MMRN1: variants seen among roughly 807,000 people sequenced by gnomAD.
MMRN1 encodes the protein multimerin-1.
A neutral mutation model predicts 100.7 loss-of-function variants in MMRN1; 94 were observed. That is an observed-to-expected ratio of 0.93 (90% confidence interval 0.79 to 1.11). The LOEUF (loss-of-function observed/expected upper bound fraction) is 1.11, where lower values mean the gene tolerates loss of function less well. Ranked by LOEUF, MMRN1 falls within the 50% of genes least tolerant of loss-of-function variation. The pLI is 0.00. For synonymous variants in MMRN1, 575 were observed against 505.0 expected (o/e 1.14, Z -1.86); for missense variants, 1,606 against 1,439.1 (o/e 1.12, Z -1.88).
chr4:89,885,125 CCCTCCCTCCCTT>C (rs1351168315), intron 1 of MMRN1, among the ~76,000 whole-genome samples: 1 of 141,520 alleles, frequency 7.1e-6, no homozygotes, highest in Non-Finnish European at 1.5e-5. Flanking sequence ...TTCCTTCCCT[CCCTCCCTCCCTT>C]CCTCCCTTCC....
At chr4:89,940,119 C>G (rs925488953) in intron 6 of MMRN1, among the ~76,000 whole-genome samples, 1 of 152,106 alleles carries the variant, frequency 6.6e-6, no homozygotes, top group Non-Finnish European at 1.5e-5. Flanking sequence ...CTAATAGACA[C>G]CAAGAGGTTT....
At chr4:89,883,231 A>G (rs1399014313) in intron 1 of MMRN1, among the ~76,000 whole-genome samples, 1 of 152,012 alleles carries the variant, frequency 6.6e-6, no homozygotes, top group East Asian at 1.9e-4. Context: ...TTGTAGACAC[A>G]TTTTTTATTT....
In MMRN1 at chr4:89,909,178, G is replaced by A. The variant is rs1156322780; in HGVS notation, c.624-98G>A. ...AATCTTACAAGGTTTCTGATCTATA[G>A]TATGGCAAAAATAAATGTTTGTCTG... On this transcript the variant is annotated intron_variant, in intron 1 of 7. Coordinates refer to ENST00000264790, the MANE Select transcript of MMRN1 (RefSeq NM_007351.3). 5 of 1,312,246 alleles carry A rather than the reference G, an allele frequency of 3.8e-6. No homozygotes were observed. In the African/African-American group the frequency reaches 5.9e-5, roughly 16 times the overall value. The allele number at this position is 1,312,246 out of a possible 1,614,324, so 81.3% of individuals were successfully genotyped here.
chr4:89,891,256 A>G (rs1197710566), upstream of MMRN1, among the ~76,000 whole-genome samples: 1 of 152,024 alleles, frequency 6.6e-6, no homozygotes, highest in Admixed American at 6.6e-5. Context: ...AGTTCATTAT[A>G]TTTATTTAGA....
At chr4:89,910,442 A>T (rs985926160) in intron 2 of MMRN1, among the ~76,000 whole-genome samples, 2 of 151,130 alleles carry the variant, frequency 1.3e-5, no homozygotes, top group Non-Finnish European at 3.0e-5. Context: ...TTATTCTCGA[A>T]TCTTATCTTT....
intron 5 of MMRN1, among the ~76,000 whole-genome samples, chr4:89,928,541 T>C (rs1722338132): frequency 6.6e-6 from 1 of 152,182 alleles, no homozygotes; most frequent in Non-Finnish European, 1.5e-5. Context: ...CAGGCTATGT[T>C]TCTTTCTGGA....
At chr4:89,939,624 G>C (rs192236291) in intron 6 of MMRN1, among the ~76,000 whole-genome samples, 1 of 152,254 alleles carries the variant, frequency 6.6e-6, no homozygotes, top group East Asian at 1.9e-4. Flanking sequence ...GTAAGTGATA[G>C]AGCTTGGCTT....
intron 5 of MMRN1, among the ~76,000 whole-genome samples, chr4:89,930,992 G>T (rs1261277804): frequency 6.6e-6 from 1 of 151,896 alleles, no homozygotes; most frequent in Non-Finnish European, 1.5e-5. Context: ...AATTCATTTA[G>T]CCTTTCCTTA....
chr4:89,894,061 A>C (rs1721115484), upstream of MMRN1, among the ~76,000 whole-genome samples: 1 of 152,060 alleles, frequency 6.6e-6, no homozygotes, highest in Non-Finnish European at 1.5e-5. Flanking sequence ...ATCCCATTTT[A>C]ATTTATTTTT....
chr4:89,949,009 G>A (rs746448962), intron 6 of MMRN1, among the ~76,000 whole-genome samples: 7 of 152,144 alleles, frequency 4.6e-5, no homozygotes, highest in Non-Finnish European at 8.8e-5. Context: ...TGGAAAATGG[G>A]GTAAAATAGC....
chr4:89,948,298 C>A (rs979679499), intron 6 of MMRN1, among the ~76,000 whole-genome samples: 1 of 151,850 alleles, frequency 6.6e-6, no homozygotes, highest in Admixed American at 6.6e-5. Flanking sequence ...GTATTTTTAT[C>A]GATAACTTGG....
At chr4:89,909,440 T>A (rs1721676052) in intron 2 of MMRN1, 45 bp downstream of exon 2, 1 of 1,597,240 alleles carries the variant, frequency 6.3e-7, no homozygotes, top group African/African-American at 1.3e-5. Context: ...TGCACCATAA[T>A]AAATTATAGC....
intron 1 of MMRN1, chr4:89,901,873 T>G (rs1368091433): frequency 6.6e-6 from 1 of 152,034 alleles, no homozygotes; most frequent in African/African-American, 2.4e-5. Context: ...TTCGCACAAC[T>G]TCTGCTTTTC....
At position 89,951,459 on chromosome 4, in the gene MMRN1, A is replaced by T. The variant is rs531794980; in HGVS notation, c.3119-146A>T. ...GGGATTTGCATGACGTCCTGTGCCCAGATCGACAGGCATCCTGGGCCGTGG... is the reference window on the plus strand; with the variant it reads ...GGGATTTGCATGACGTCCTGTGCCCTGATCGACAGGCATCCTGGGCCGTGG... On this transcript the variant is annotated intron_variant, in intron 6 of 7. Coordinates refer to ENST00000264790, the MANE Select transcript of MMRN1 (RefSeq NM_007351.3). 150 of 735,798 alleles carry T rather than the reference A, an allele frequency of 2.0e-4. 1 individual carries two copies. In the African/African-American group the frequency reaches 2.5e-3, roughly 12 times the overall value. 45.6% of individuals were successfully genotyped at this position (735,798 alleles called of 1,614,324 possible). A position where few individuals can be genotyped will look rare whatever the true frequency, so the allele number is the denominator to read the frequency against.
chr4:89,882,920 C>T (rs758329371), intron 1 of MMRN1, among the ~76,000 whole-genome samples: 7 of 151,878 alleles, frequency 4.6e-5, no homozygotes, highest in Non-Finnish European at 7.4e-5. Flanking sequence ...TCAATCTTTC[C>T]TCCTCTCCTC....
intron 6 of MMRN1, among the ~76,000 whole-genome samples, chr4:89,945,380 G>T (rs908305306): frequency 1.3e-5 from 2 of 152,040 alleles, no homozygotes; most frequent in Non-Finnish European, 2.9e-5. Context: ...AGCATAGTTT[G>T]GTTATAAGAT....
chr4:89,938,416 C>T (rs1314698150), intron 6 of MMRN1, among the ~76,000 whole-genome samples: 1 of 146,764 alleles, frequency 6.8e-6, no homozygotes, highest in Non-Finnish European at 1.5e-5. Context: ...TCATCATGAT[C>T]TTCAATTAGC....
chr4:89,912,202 G>A, intron 3 of MMRN1, 152 bp downstream of exon 3: 1 of 466,614 alleles, frequency 2.1e-6, no homozygotes, highest in Non-Finnish European at 3.7e-6. Flanking sequence ...TAACTTGGTA[G>A]CTTTTATAAC....
chr4:89,925,302 ATTTTTTTTTTTT>A (rs1176427401), intron 4 of MMRN1, among the ~76,000 whole-genome samples: 5 of 101,962 alleles, frequency 4.9e-5, no homozygotes, highest in South Asian at 3.3e-4. Flanking sequence ...TGCCTGGTTA[ATTTTTTTTTTTT>A]TTTTTTTTTT....
Sources: gnomAD v4.1 joint callset for allele counts (sites outside exome capture counted in the v4.1 genomes callset) on GRCh38, gnomAD v4.1.1 for gene constraint, MANE v1.5 for transcripts, NCBI Gene and HGNC (gene_info 2026-07-23, HGNC 2026-07-21) for gene names.